Variants in RAD51B observed in about 807,000 individuals in gnomAD.
RAD51B encodes the protein DNA repair protein RAD51 homolog 2.
In RAD51B, 38 loss-of-function variants were observed where a neutral mutation model predicts 42.2. The observed-to-expected ratio is 0.90, with a 90% CI of 0.70 to 1.18. RAD51B has a LOEUF of 1.18. RAD51B is among the 50% of genes most tolerant of loss of function. The probability of loss-of-function intolerance (pLI) is 0.00; values close to 1 mark genes in which losing one functional copy is unlikely to be tolerated. For missense variants in RAD51B, 373 were observed against 400.7 expected (o/e 0.93, Z 0.59); for synonymous variants, 154 against 145.2 (o/e 1.06, Z -0.43).
intron 3 of RAD51B, 81 bp downstream of exon 3, chr14:67,825,658 G>A: frequency 9.7e-7 from 1 of 1,029,998 alleles, no homozygotes; most frequent in Non-Finnish European, 1.4e-6. Flanking sequence ...TGAGGCACAT[G>A]CAGAAATAGA....
chr14:68,263,591 A>T (rs1022386758), intron 7 of RAD51B, among the ~76,000 whole-genome samples: 12 of 152,248 alleles, frequency 7.9e-5, no homozygotes, highest in Non-Finnish European at 1.8e-4. Context: ...AAAGATAAAT[A>T]TGTTTCATAA....
rs1468453998 is a variant in RAD51B, at chr14:68,565,895, C to G, written c.1037-28590C>G. ...TCTTTTCCCTGGAGGTGTCTGGCCA[C>G]TCTCATCCCCGCCGGGCTCCAATGT... On this transcript the variant is annotated intron_variant, in intron 10 of 10. Coordinates refer to the RAD51B transcript ENST00000487270. This position sits in a 1 kb window ranked among gnomAD's most constrained non-coding sequence, Gnocchi z 4.1. 1.3e-5 allele frequency among the ~76,000 whole-genome samples: 2 copies of G among 152,196 alleles called. No individual in the cohort carries two copies. The highest frequency in any genetic ancestry group is 2.1e-4 in the South Asian group (1 of 4,828).
In RAD51B at chr14:68,412,057, TC is replaced by T. The variant is rs74320609; in HGVS notation, c.957+533del. On this transcript the variant is annotated intron_variant, in intron 9 of 10. Transcript: ENST00000471583. The stretch of plus-strand genomic sequence containing the variant: ...AAATGGTTGGTCACTTTCTCAGAGT[TC>T]CCTATTTGTGGTTTCTATCCTGGCC... Among the ~76,000 whole-genome samples, 5 of 152,284 alleles carry T rather than the reference TC, an allele frequency of 3.3e-5. No homozygotes were observed. The East Asian group carries it at 9.6e-4, about 29-fold the overall frequency.
At chr14:68,271,735 A>AG (rs1443212357) in intron 7 of RAD51B, among the ~76,000 whole-genome samples, 1 of 152,238 alleles carries the variant, frequency 6.6e-6, no homozygotes, top group Non-Finnish European at 1.5e-5. Context: ...ATCTCTGCGT[A>AG]GTGCTTAGCA....
chr14:67,943,411 A>C (rs1253834377), intron 7 of RAD51B, among the ~76,000 whole-genome samples: 1 of 152,054 alleles, frequency 6.6e-6, no homozygotes, highest in Non-Finnish European at 1.5e-5. Context: ...AATGTGTTGA[A>C]TTTTTCTGAC....
At chr14:68,049,486 A>G (rs552523575) in intron 7 of RAD51B, among the ~76,000 whole-genome samples, 27 of 152,286 alleles carry the variant, frequency 1.8e-4, no homozygotes, top group African/African-American at 5.8e-4. Context: ...CACAGAGAGC[A>G]TAGAGATTGC....
intron 11 of RAD51B, among the ~76,000 whole-genome samples, chr14:68,671,095 G>T (rs1893147189): frequency 2.0e-5 from 3 of 152,130 alleles, no homozygotes; most frequent in African/African-American, 7.2e-5. Flanking sequence ...AGCTCTGTTG[G>T]CAAAATGAAA....
chr14:68,537,527 GAAAC>G (rs1336458059), intron 10 of RAD51B, among the ~76,000 whole-genome samples: 2 of 150,388 alleles, frequency 1.3e-5, no homozygotes, highest in Non-Finnish European at 3.0e-5. Context: ...ATGAATCACT[GAAAC>G]AGATTTTATT....
intron 7 of RAD51B, among the ~76,000 whole-genome samples, chr14:68,270,956 G>A (rs1248957885): frequency 1.3e-5 from 2 of 152,136 alleles, no homozygotes; most frequent in Non-Finnish European, 2.9e-5. Flanking sequence ...TTCTGTTGAA[G>A]AGTTATAGAA....
chr14:68,615,563 T>A (rs1181856383), downstream of RAD51B, among the ~76,000 whole-genome samples: 1 of 152,142 alleles, frequency 6.6e-6, no homozygotes, highest in Non-Finnish European at 1.5e-5. Flanking sequence ...GCCAGGATGG[T>A]CTCGATGTCC....
intron 7 of RAD51B, among the ~76,000 whole-genome samples, chr14:68,200,820 A>ATT (rs769801304): frequency 6.7e-6 from 1 of 148,206 alleles, no homozygotes; most frequent in East Asian, 2.0e-4. Context: ...TGCCTAGCTA[A>ATT]TTTTTTTTTT....
intron 9 of RAD51B, among the ~76,000 whole-genome samples, chr14:68,434,123 C>T (rs1284111441): frequency 6.6e-6 from 1 of 152,174 alleles, no homozygotes; most frequent in African/African-American, 2.4e-5. Flanking sequence ...CACAGGGGTA[C>T]CTGGCCATGT....
chr14:67,891,532 A>C (rs958836172), intron 7 of RAD51B, among the ~76,000 whole-genome samples: 2 of 152,130 alleles, frequency 1.3e-5, no homozygotes, highest in Non-Finnish European at 2.9e-5. Flanking sequence ...AATGGAAAGA[A>C]TTTGTTCTGG....
At chr14:67,942,813 C>A (rs1332549218) in intron 7 of RAD51B, among the ~76,000 whole-genome samples, 4 of 152,128 alleles carry the variant, frequency 2.6e-5, no homozygotes, top group African/African-American at 9.7e-5. Flanking sequence ...TTATAAAGTT[C>A]AGTGACTTAA....
chr14:67,880,420 T>G (rs1234362855), intron 5 of RAD51B, among the ~76,000 whole-genome samples: 1 of 152,150 alleles, frequency 6.6e-6, no homozygotes, highest in Non-Finnish European at 1.5e-5. Context: ...TGTACAGATG[T>G]TTTTCCTTGA....
At position 68,632,881 on chromosome 14, in the gene RAD51B, T is replaced by G. The variant is rs145302543; in HGVS notation, c.1037-17900T>G. Among the ~76,000 whole-genome samples, 642 of 149,758 alleles carry G rather than the reference T, an allele frequency of 4.3e-3. 4 individuals carry two copies. Among genetic ancestry groups the G allele is most frequent in the African/African-American group, 9.4e-3 (380 of 40,534 alleles). ...GCCTTGACCACCCAGGCTCAAGTGA[T>G]CCTCCCACCCCAGCCTCCTGAGTAG... On this transcript the variant is annotated intron_variant, in intron 10 of 11. Coordinates refer to the RAD51B transcript ENST00000488612.
chr14:68,049,583 C>T (rs1405060045), intron 7 of RAD51B, among the ~76,000 whole-genome samples: 1 of 152,152 alleles, frequency 6.6e-6, no homozygotes, highest in Non-Finnish European at 1.5e-5. Flanking sequence ...TGCTCGTCAC[C>T]CTGTCCTTTA....
intron 8 of RAD51B, among the ~76,000 whole-genome samples, chr14:68,377,189 G>A (rs1048475605): frequency 6.6e-6 from 1 of 152,230 alleles, no homozygotes; most frequent in African/African-American, 2.4e-5. Flanking sequence ...AGGAAGGGAA[G>A]CAGTTGCCTT....
chr14:68,041,505 T>C (rs2140396448), intron 7 of RAD51B, among the ~76,000 whole-genome samples: 1 of 152,298 alleles, frequency 6.6e-6, no homozygotes, highest in Non-Finnish European at 1.5e-5. Flanking sequence ...TTTGTCCACT[T>C]TCCTTCCTTC....
Sources: gnomAD v4.1 joint callset for allele counts (sites outside exome capture counted in the v4.1 genomes callset) on GRCh38, gnomAD v4.1.1 for gene constraint, Gnocchi (gnomAD v3.1) non-coding constraint, MANE v1.5 for transcripts, NCBI Gene and HGNC (gene_info 2026-07-23, HGNC 2026-07-21) for gene names.